Variants in DYNLRB1 observed in about 807,000 individuals in gnomAD.
DYNLRB1 encodes the protein ROBL/LC7-like 1.
A neutral mutation model predicts 13.5 loss-of-function variants in DYNLRB1; 6 were observed. That is an observed-to-expected ratio of 0.44 (90% CI 0.24 to 0.88). The LOEUF (loss-of-function observed/expected upper bound fraction) is 0.88. Among genes scored for constraint, DYNLRB1 ranks in the 40% least tolerant of loss-of-function variants. The pLI is 0.21. For synonymous variants in DYNLRB1, 43 were observed against 45.0 expected, an observed-to-expected ratio of 0.96 and a Z score of 0.18; for missense variants, 93 against 127.2, an observed-to-expected ratio of 0.73 and a Z score of 1.29.
At chr20:34,520,978 C>G (rs1037310427) in intron 1 of DYNLRB1, among the ~76,000 whole-genome samples, 2 of 152,182 alleles carry the variant, frequency 1.3e-5, no homozygotes, top group Admixed American at 1.3e-4. Flanking sequence ...ATAACAATGC[C>G]AGCATTTAAA....
chr20:34,526,637 G>A (rs568360156), intron 2 of DYNLRB1: 14 of 392,066 alleles, frequency 3.6e-5, no homozygotes, highest in African/African-American at 2.4e-4. Flanking sequence ...GGGAAAATCC[G>A]CTCAATCCCA....
At chr20:34,531,967 C>A (rs1980747934) in intron 2 of DYNLRB1, among the ~76,000 whole-genome samples, 1 of 152,148 alleles carries the variant, frequency 6.6e-6, no homozygotes, top group African/African-American at 2.4e-5. Flanking sequence ...TTCTGATCAC[C>A]CAAACCATGC....
In DYNLRB1 at chr20:34,526,296, T is replaced by C; in HGVS notation, c.32T>C (p.Leu11Pro). MAEVEETLKR[L>P]QSQKGVQGII... ...GAGGTGGAGGAGACACTGAAGCGAC[T>C]GCAGAGCCAGAAGGGAGTGCAGGGA... Residue 11 changes from leucine (L) to proline (P), a missense_variant, in exon 2 of 4, where the codon CTG becomes CCG. Leu to Pro is a moderately conservative substitution (Grantham distance 98). Coordinates refer to ENST00000357156, the MANE Select transcript of DYNLRB1 (RefSeq NM_014183.4). 1 of 1,614,152 alleles carries C rather than the reference T, an allele frequency of 6.2e-7. No homozygotes were observed. Among genetic ancestry groups the C allele is most frequent in the Non-Finnish European group, 8.5e-7 (1 of 1,180,026 alleles).
rs575611261 is a variant in DYNLRB1, at chr20:34,533,587, G to A, written c.80-1041G>A. On this transcript the variant is annotated intron_variant, in intron 2 of 3. Coordinates refer to ENST00000357156, the MANE Select transcript of DYNLRB1 (RefSeq NM_014183.4). ...TGTAATCCCAGCACTTTGGAAGGCC[G>A]AGGCGGGTGGATCATGAGGTCAGGA... 5.1e-5 allele frequency: 43 copies of A among 848,288 alleles called. No individual in the cohort carries two copies. The East Asian group carries it at 2.6e-3, about 51-fold the overall frequency. 52.5% of individuals were successfully genotyped at this position (848,288 alleles called of 1,614,324 possible).
intron 1 of DYNLRB1, among the ~76,000 whole-genome samples, chr20:34,523,013 C>G (rs1261262601): frequency 6.6e-6 from 1 of 152,138 alleles, no homozygotes; most frequent in African/African-American, 2.4e-5. Context: ...TTCCTGATTC[C>G]AGGGTGCCTT....
intron 1 of DYNLRB1, chr20:34,516,840 A>G: frequency 1.3e-6 from 2 of 1,546,690 alleles, no homozygotes; most frequent in Non-Finnish European, 1.7e-6. Flanking sequence ...CACTTTATGT[A>G]TCTTGTATTT....
chr20:34,529,801 T>A (rs1309326206), intron 2 of DYNLRB1: 1 of 1,345,304 alleles, frequency 7.4e-7, no homozygotes, highest in African/African-American at 1.5e-5. Context: ...CAGAACGTGC[T>A]CCCCAGCCCT....
chr20:34,533,412 TGGCAC>T (rs1164666942), intron 2 of DYNLRB1: 1 of 927,238 alleles, frequency 1.1e-6, no homozygotes, highest in Non-Finnish European at 1.3e-6. Context: ...TGCTTTAACT[TGGCAC>T]GGCCATGTGG....
intron 2 of DYNLRB1, among the ~76,000 whole-genome samples, chr20:34,527,993 G>A (rs1314016917): frequency 1.3e-5 from 2 of 152,158 alleles, no homozygotes; most frequent in African/African-American, 4.8e-5. Context: ...TTTGGAAAGG[G>A]GTTTGGCCAA....
intron 1 of DYNLRB1, among the ~76,000 whole-genome samples, chr20:34,518,101 GTTT>G (rs141178937): frequency 6.7e-6 from 1 of 148,240 alleles, no homozygotes; most frequent in African/African-American, 2.5e-5. Flanking sequence ...TTTATGGTAG[GTTT>G]TTTTTTTCGT....
At chr20:34,540,021 C>G (rs756313666) in intron 3 of DYNLRB1, among the ~76,000 whole-genome samples, 11 of 152,126 alleles carry the variant, frequency 7.2e-5, no homozygotes, top group African/African-American at 2.7e-4. Flanking sequence ...TTACCCAAGT[C>G]CAGTGAAGTA....
chr20:34,527,554 T>G (rs1191730925), intron 2 of DYNLRB1, among the ~76,000 whole-genome samples: 2 of 152,202 alleles, frequency 1.3e-5, no homozygotes, highest in African/African-American at 2.4e-5. Context: ...GGCCACAGTG[T>G]TTCCCACACG....
chr20:34,523,580 C>T (rs1979935309), intron 1 of DYNLRB1, among the ~76,000 whole-genome samples: 2 of 152,172 alleles, frequency 1.3e-5, no homozygotes, highest in African/African-American at 2.4e-5. Context: ...CCCCAGAAAC[C>T]GGCATGGCTA....
intron 3 of DYNLRB1, among the ~76,000 whole-genome samples, chr20:34,539,427 C>T (rs2146657627): frequency 6.6e-6 from 1 of 152,316 alleles, no homozygotes; most frequent in South Asian, 2.1e-4. Context: ...CACCTATAAT[C>T]CCAACACTTT....
At chr20:34,520,212 T>G (rs1979600853) in intron 1 of DYNLRB1, among the ~76,000 whole-genome samples, 5 of 152,226 alleles carry the variant, frequency 3.3e-5, no homozygotes, top group African/African-American at 1.2e-4. Flanking sequence ...TTTTCATCTT[T>G]GTATGTTCTC....
At chr20:34,539,929 C>T (rs987200347) in intron 3 of DYNLRB1, among the ~76,000 whole-genome samples, 2 of 152,046 alleles carry the variant, frequency 1.3e-5, no homozygotes, top group African/African-American at 4.8e-5. Flanking sequence ...ATGATCGCAC[C>T]ACTGTACTCA....
At position 34,535,896 on chromosome 20, in the gene DYNLRB1, A is replaced by C. The variant is rs546762438; in HGVS notation, c.247+1101A>C. 2.9e-5 allele frequency: 29 copies of C among 985,316 alleles called. No homozygotes were observed. In the East Asian group the frequency reaches 3.2e-3, roughly 108 times the overall value. 61.0% of individuals were successfully genotyped at this position (985,316 alleles called of 1,614,324 possible). On this transcript the variant is annotated intron_variant, in intron 3 of 3. Transcript: ENST00000357156. ...GCAGTGGGGGGTCTGGGGACACTGA[A>C]TGCTCTGGACTGGCAACACAGAGGG...
chr20:34,530,828 C>A (rs1980658682), intron 2 of DYNLRB1: 1 of 152,272 alleles, frequency 6.6e-6, no homozygotes, highest in Admixed American at 6.5e-5. Context: ...CTGCCTCTTT[C>A]TTGAGGACAC....
At chr20:34,532,357 A>G (rs527270981) in intron 2 of DYNLRB1, among the ~76,000 whole-genome samples, 1 of 152,288 alleles carries the variant, frequency 6.6e-6, no homozygotes, top group East Asian at 1.9e-4. Flanking sequence ...ATAGCTGTGA[A>G]GGGCAGAGCT....
Sources: allele counts gnomAD v4.1 joint callset (sites outside exome capture counted in the v4.1 genomes callset), GRCh38; gene constraint gnomAD v4.1.1; transcripts MANE v1.5; gene names NCBI Gene and HGNC (gene_info 2026-07-23, HGNC 2026-07-21).